The following LGR4 variants were observed in gnomAD, a reference collection of about 807,000 sequenced individuals.
LGR4 encodes leucine rich repeat containing G protein-coupled receptor 4.
In LGR4, 44 loss-of-function variants were observed where a neutral mutation model predicts 84.8. That is an observed-to-expected ratio of 0.52 (90% CI 0.41 to 0.67). LGR4 has a LOEUF of 0.67. Among genes scored for constraint, LGR4 ranks in the 30% least tolerant of loss-of-function variants. LGR4 has a pLI of 0.00. For synonymous variants in LGR4, 429 were observed against 434.3 expected (o/e 0.99, Z 0.15); for missense variants, 1,032 against 1,131.4 (o/e 0.91, Z 1.26).
intron 1 of LGR4, among the ~76,000 whole-genome samples, chr11:27,439,646 C>T (rs1383565996): frequency 6.6e-6 from 1 of 152,064 alleles, no homozygotes; most frequent in Non-Finnish European, 1.5e-5. Flanking sequence ...TTTTGAGGAA[C>T]CACCACAGTT....
intron 1 of LGR4, among the ~76,000 whole-genome samples, chr11:27,423,590 T>C (rs999490151): frequency 6.6e-6 from 1 of 152,246 alleles, no homozygotes; most frequent in African/African-American, 2.4e-5. Context: ...CAATAGACAT[T>C]GATAATGATG....
intron 1 of LGR4, among the ~76,000 whole-genome samples, chr11:27,460,655 G>C (rs1864663954): frequency 6.6e-6 from 1 of 152,236 alleles, no homozygotes; most frequent in Non-Finnish European, 1.5e-5. Flanking sequence ...AGCAGAGCCT[G>C]TGGTTTGTGC....
chr11:27,382,372 T>C (rs1863112990), intron 6 of LGR4, 116 bp from the exon 7 acceptor site: 1 of 650,756 alleles, frequency 1.5e-6, no homozygotes, highest in Non-Finnish European at 2.7e-6. Flanking sequence ...GTAATCTTTC[T>C]TTATCAACCA....
chr11:27,445,977 A>G (rs1766023294), intron 1 of LGR4, among the ~76,000 whole-genome samples: 1 of 152,262 alleles, frequency 6.6e-6, no homozygotes, highest in South Asian at 2.1e-4. Flanking sequence ...GTAAAATATA[A>G]TAGAATATCG....
chr11:27,436,350 A>AAAGT (rs1491292474), intron 1 of LGR4, among the ~76,000 whole-genome samples: 1 of 123,268 alleles, frequency 8.1e-6, no homozygotes, highest in Non-Finnish European at 1.5e-5. Flanking sequence ...AGAGAGAGAG[A>AAAGT]AAGAAAGAAA....
At position 27,410,204 on chromosome 11, in the gene LGR4, G is replaced by A. The variant is rs145618622; in HGVS notation, c.257+2585C>T. Among the ~76,000 whole-genome samples the A allele has an allele frequency of 1.3e-4, 20 of 152,260 alleles. No homozygotes were observed. The East Asian group carries it at 3.9e-3, about 29-fold the overall frequency. ...TAGAGGGTCTGTCAACTTTGAAGAT[G>A]GGTCATGCTTGTATCTGTATTCCCA... On this transcript the variant is annotated intron_variant, in intron 2 of 17. Transcript: ENST00000379214.
At position 27,391,005 on chromosome 11, in the gene LGR4, A is replaced by G; in HGVS notation, c.401+89T>C. The G allele has an allele frequency of 5.2e-6, 4 of 773,638 alleles. No individual in the cohort carries two copies. The South Asian group carries it at 5.4e-5, about 10-fold the overall frequency. 47.9% of individuals were successfully genotyped at this position (773,638 alleles called of 1,614,324 possible). A position where few individuals can be genotyped will look rare whatever the true frequency, so the allele number is the denominator to read the frequency against. On this transcript the variant is annotated intron_variant, in intron 4 of 17. Coordinates refer to ENST00000379214, the MANE Select transcript of LGR4 (RefSeq NM_018490.5). ...GTTTTTATCTCAGATGAAAGGATAA[A>G]TCTCCTCTTTCCTTACAATTCTAGT...
chr11:27,461,900 G>A (rs1013806113), intron 1 of LGR4, among the ~76,000 whole-genome samples: 1 of 130,844 alleles, frequency 7.6e-6, no homozygotes, highest in Non-Finnish European at 1.5e-5. Context: ...CTGGATCTTG[G>A]CTCACTGCAA....
At chr11:27,450,234 G>T (rs998711881) in intron 1 of LGR4, among the ~76,000 whole-genome samples, 7 of 152,154 alleles carry the variant, frequency 4.6e-5, no homozygotes, top group Non-Finnish European at 8.8e-5. Context: ...TTAAAACTAT[G>T]CTACCAAAAA....
At chr11:27,377,023 A>G in intron 12 of LGR4, 135 bp downstream of exon 12, 2 of 540,622 alleles carry the variant, frequency 3.7e-6, no homozygotes, top group Non-Finnish European at 3.3e-6. Flanking sequence ...GTTCAATTTG[A>G]CATGTTATTT....
chr11:27,404,302 T>C (rs1031729711), intron 2 of LGR4, among the ~76,000 whole-genome samples: 2 of 152,218 alleles, frequency 1.3e-5, no homozygotes, highest in African/African-American at 4.8e-5. Flanking sequence ...TCCTGATTTA[T>C]CAAATCCAAA....
chr11:27,379,991 C>A (rs1863059998), intron 10 of LGR4, among the ~76,000 whole-genome samples: 1 of 152,152 alleles, frequency 6.6e-6, no homozygotes, highest in South Asian at 2.1e-4. Flanking sequence ...ACATCGAATG[C>A]CCCCACTTCT....
chr11:27,464,351 A>G (rs1162083671), intron 1 of LGR4, among the ~76,000 whole-genome samples: 1 of 152,170 alleles, frequency 6.6e-6, no homozygotes, highest in Non-Finnish European at 1.5e-5. Flanking sequence ...GAAATGGGAG[A>G]AACCAGGAAG....
At chr11:27,452,717 G>A (rs1228862518) in intron 1 of LGR4, among the ~76,000 whole-genome samples, 5 of 144,132 alleles carry the variant, frequency 3.5e-5, no homozygotes, top group Admixed American at 1.4e-4. Flanking sequence ...TCCGCCTCCC[G>A]GGTTCACACC....
intron 17 of LGR4, among the ~76,000 whole-genome samples, chr11:27,371,119 C>A (rs1156991446): frequency 6.6e-6 from 1 of 152,134 alleles, no homozygotes; most frequent in Admixed American, 6.6e-5. Flanking sequence ...AATATTTAAG[C>A]CTTCCTTTTA....
At chr11:27,370,579 C>T (rs1590340427) in intron 17 of LGR4, among the ~76,000 whole-genome samples, 1 of 152,334 alleles carries the variant, frequency 6.6e-6, no homozygotes, top group South Asian at 2.1e-4. Flanking sequence ...TGTGTTACTA[C>T]AGCTGAGTAG....
chr11:27,451,110 C>T (rs1446392180), intron 1 of LGR4, among the ~76,000 whole-genome samples: 1 of 152,166 alleles, frequency 6.6e-6, no homozygotes, highest in Non-Finnish European at 1.5e-5. Context: ...CTTTTCAATA[C>T]TTAAAACTAA....
intron 6 of LGR4, 22 bp from the exon 7 acceptor site, chr11:27,382,278 T>C: frequency 2.8e-6 from 4 of 1,444,708 alleles, no homozygotes; most frequent in Non-Finnish European, 3.9e-6. Context: ...TGGGTGAAAA[T>C]ATATCAAAAT....
rs1046566 is a variant in LGR4 at position 27,367,077 on chromosome 11, C to T, written c.*790G>A. 48,815 of 151,998 alleles carry T rather than the reference C, an allele frequency of 0.32. 8,120 individuals carry two copies. Among genetic ancestry groups the T allele is most frequent in the Non-Finnish European group, 0.36 (24,651 of 67,938 alleles). 9.4% of individuals were successfully genotyped at this position (151,998 alleles called of 1,614,324 possible). On this transcript the variant is annotated 3_prime_UTR_variant, in exon 18 of 18. Transcript: ENST00000379214. ...CAAATCCCTCAGATACTATTAAACCCCCACATTAGTTAGTAGTTTAGCCAA... is the reference window on the plus strand; with the variant it reads ...CAAATCCCTCAGATACTATTAAACCTCCACATTAGTTAGTAGTTTAGCCAA...
Sources: allele counts gnomAD v4.1 joint callset (sites outside exome capture counted in the v4.1 genomes callset), GRCh38; gene constraint gnomAD v4.1.1; transcripts MANE v1.5; gene names NCBI Gene and HGNC (gene_info 2026-07-23, HGNC 2026-07-21).